Variants in BCORL1 observed in about 807,000 individuals in gnomAD.
BCORL1 encodes BCL-6 corepressor-like protein 1.
Under a neutral mutation model 87.6 loss-of-function variants are expected in BCORL1, and 7 were observed. That is an observed-to-expected ratio of 0.08 (90% CI 0.05 to 0.15). The LOEUF (loss-of-function observed/expected upper bound fraction) is 0.15, where lower values mean the gene tolerates loss of function less well. Among genes scored for constraint, BCORL1 ranks in the 10% least tolerant of loss-of-function variants. The pLI, the probability that BCORL1 is intolerant of heterozygous loss-of-function variation, is 1.00. For synonymous variants in BCORL1, 591 were observed against 634.4 expected (o/e 0.93, Z 1.03); for missense variants, 1,215 against 1,499.7 (o/e 0.81, Z 3.13).
intron 7 of BCORL1, among the ~76,000 whole-genome samples, chrX:130,027,083 T>C (rs1214372329): frequency 8.8e-6 from 1 of 113,237 alleles, no homozygotes; most frequent in Non-Finnish European, 1.9e-5. Flanking sequence ...TGTGGGCTAC[T>C]ATAAAGCCTT....
At position 130,014,480 on chromosome X, in the gene BCORL1, G is replaced by C. The variant is rs1314821675; in HGVS notation, c.1708G>C (p.Ala570Pro). ...VLPTPQPLLP[A>P]PSGSSAPPHP... ...TCCAACTCCACAGCCTCTGCTGCCA[G>C]CCCCCAGTGGGAGCTCAGCCCCACC... Residue 570 changes from alanine (A) to proline (P), a missense_variant, in exon 4 of 14, where the codon GCC (alanine) becomes CCC (proline). Physicochemically the swap from Ala to Pro is conservative, Grantham distance 27. Transcript: ENST00000540052. 8.3e-7 allele frequency: 1 copy of C among 1,209,295 alleles called. No homozygotes were observed. Among genetic ancestry groups the C allele is most frequent in the East Asian group, 3.0e-5 (1 of 33,734 alleles).
intron 5 of BCORL1, 86 bp from the exon 6 acceptor site, chrX:130,022,811 C>T: frequency 4.9e-6 from 4 of 817,334 alleles, no homozygotes; most frequent in Non-Finnish European, 7.4e-6. Flanking sequence ...CAATCTTTCC[C>T]CCGAGCCTCA....
chrX:130,049,832 C>T (rs1376465137), intron 11 of BCORL1, among the ~76,000 whole-genome samples: 15 of 112,318 alleles, frequency 1.3e-4, no homozygotes, highest in Non-Finnish European at 1.5e-4. Flanking sequence ...GATTATGATT[C>T]GATAAATGAA....
chrX:130,023,030 A>T, intron 6 of BCORL1, 53 bp downstream of exon 6: 1 of 1,060,140 alleles, frequency 9.4e-7, no homozygotes, highest in Non-Finnish European at 1.3e-6. Context: ...GAAAAGAGAG[A>T]TCGAAATCTG....
chrX:130,021,372 A>G, intron 5 of BCORL1: 1 of 638,187 alleles, frequency 1.6e-6, no homozygotes, highest in Non-Finnish European at 1.9e-6. Flanking sequence ...AGGCTGAAGG[A>G]AGTGGTTTTC....
chrX:130,056,236 A>G lies in BCORL1; in HGVS notation c.*100A>G. On this transcript the variant is annotated 3_prime_UTR_variant, in exon 14 of 14. Coordinates refer to ENST00000540052, the MANE Select transcript of BCORL1 (RefSeq NM_001379451.1). ...GAGCACCAGACTGCAGAATGAGGCA[A>G]TAATACGGACCAACAAGAAGCCGCC... 1 of 910,168 alleles carries G rather than the reference A, an allele frequency of 1.1e-6. No individual in the cohort carries two copies. The highest frequency in any genetic ancestry group is 1.5e-6 in the Non-Finnish European group (1 of 677,214). 75.0% of individuals were successfully genotyped at this position (910,168 alleles called of 1,213,427 possible).
chrX:129,989,444 CTTTTTTTTTTTTT>C (rs55654985), intron 1 of BCORL1, among the ~76,000 whole-genome samples: 111 of 17,773 alleles, frequency 6.2e-3, no homozygotes, highest in Admixed American at 0.01. Flanking sequence ...CCGCACCCGT[CTTTTTTTTTTTTT>C]TTTTTTTTTT....
intron 12 of BCORL1, among the ~76,000 whole-genome samples, chrX:130,051,200 G>A (rs931539923): frequency 8.9e-6 from 1 of 111,944 alleles, no homozygotes; most frequent in Non-Finnish European, 1.9e-5. Context: ...CGATGCACAC[G>A]CAGTTTTTGG....
chrX:130,043,758 A>ATATG (rs1208533447), intron 11 of BCORL1, among the ~76,000 whole-genome samples: 2 of 23,340 alleles, frequency 8.6e-5, no homozygotes, highest in Admixed American at 1.5e-3. Context: ...ATATATATAT[A>ATATG]TATATATATA....
intron 2 of BCORL1, among the ~76,000 whole-genome samples, chrX:130,006,594 C>T (rs1207195654): frequency 6.3e-5 from 7 of 110,795 alleles, no homozygotes; most frequent in African/African-American, 9.8e-5. Flanking sequence ...CTCCTGACCT[C>T]GTGATCCGCC....
chrX:129,980,586 C>T (rs1926030035), upstream of BCORL1, among the ~76,000 whole-genome samples: 2 of 112,328 alleles, frequency 1.8e-5, no homozygotes, highest in East Asian at 2.9e-4. Flanking sequence ...ACCCGGACCG[C>T]GCGCTTGGGC....
chrX:130,012,929 C>T, intron 3 of BCORL1, 21 bp from the exon 4 acceptor site: 1 of 1,177,060 alleles, frequency 8.5e-7, no homozygotes, highest in Non-Finnish European at 1.1e-6. Context: ...CTGAGATGTG[C>T]ATGCTATCCT....
intron 11 of BCORL1, among the ~76,000 whole-genome samples, chrX:130,044,159 C>T (rs1321306623): frequency 4.5e-5 from 5 of 110,168 alleles, no homozygotes; most frequent in Non-Finnish European, 9.5e-5. Flanking sequence ...CCGCCTCAGC[C>T]TCCCAAAGTG....
chrX:130,019,420 C>T (rs985501211), intron 4 of BCORL1, among the ~76,000 whole-genome samples: 1 of 112,597 alleles, frequency 8.9e-6, no homozygotes, highest in African/African-American at 3.2e-5. Context: ...TAGTTTTTCT[C>T]CAGCCGTACC....
chrX:130,032,225 C>T (rs1013150459), intron 8 of BCORL1, among the ~76,000 whole-genome samples: 1 of 111,795 alleles, frequency 8.9e-6, no homozygotes, highest in Admixed American at 9.5e-5. Flanking sequence ...TGGGGTCTCT[C>T]GTGAGGTTGC....
chrX:130,030,849 TG>T (rs755543147), intron 8 of BCORL1, among the ~76,000 whole-genome samples: 3 of 112,428 alleles, frequency 2.7e-5, no homozygotes, highest in East Asian at 2.8e-4. Flanking sequence ...GAGAGGTTTT[TG>T]TCCCTCCCTC....
intron 2 of BCORL1, chrX:130,010,480 TACAGTCATTTCTGTTTGTCACCA>T (rs1928858312): frequency 9.2e-6 from 1 of 108,969 alleles, no homozygotes; most frequent in South Asian, 4.1e-4. Context: ...TGCCTCTCCT[TACAGTCATTTCTGTTTGTCACCA>T]ACAGTCACTT....
chrX:130,034,700 C>G (rs1393786783), intron 9 of BCORL1, 24 bp downstream of exon 9: 1 of 948,559 alleles, frequency 1.1e-6, no homozygotes, highest in Admixed American at 3.0e-5. Context: ...CGACTGACCA[C>G]AGGGCGCCGT....
intron 6 of BCORL1, among the ~76,000 whole-genome samples, chrX:130,024,647 T>C (rs923545773): frequency 9.0e-6 from 1 of 111,371 alleles, no homozygotes; most frequent in Non-Finnish European, 1.9e-5. Flanking sequence ...AGCAAGAGTT[T>C]TGGGTGTGGA....
Sources: allele counts gnomAD v4.1 joint callset (sites outside exome capture counted in the v4.1 genomes callset), GRCh38; gene constraint gnomAD v4.1.1; transcripts MANE v1.5; gene names NCBI Gene and HGNC (gene_info 2026-07-23, HGNC 2026-07-21).